Variants in MAEL observed in about 807,000 individuals in gnomAD.
The protein encoded by MAEL is maelstrom spermatogenic transposon silencer.
Under a neutral mutation model 62.0 loss-of-function variants are expected in MAEL, and 46 were observed. The ratio of observed to expected loss-of-function variants is 0.74; its 90% CI spans 0.59 to 0.95. The LOEUF is 0.95. Ranked by LOEUF, MAEL falls within the 40% of genes least tolerant of loss-of-function variation. The pLI, the probability that MAEL is intolerant of heterozygous loss-of-function variation, is 0.00. For synonymous variants in MAEL, 172 were observed against 175.5 expected (o/e 0.98, Z 0.16); for missense variants, 497 against 526.8 (o/e 0.94, Z 0.55).
At position 167,004,362 on chromosome 1, in the gene MAEL, TAAAAC is replaced by T. The variant is rs1231659906; in HGVS notation, c.648+62_648+66del. 10 of 1,479,526 alleles carry T rather than the reference TAAAAC, an allele frequency of 6.8e-6. No individual in the cohort carries two copies. In the Admixed American group the frequency reaches 1.2e-4, roughly 18 times the overall value. The allele number at this position is 1,479,526 out of a possible 1,614,324, so 91.6% of individuals were successfully genotyped here. A position where few individuals can be genotyped will look rare whatever the true frequency, so the allele number is the denominator to read the frequency against. ...TCAATTTATAGTACCAAAAGATCCA[TAAAAC>T]AAAGAATTTTTGCCTGTGTATTTTT... On this transcript the variant is annotated intron_variant, in intron 6 of 11. Transcript: ENST00000367872.
chr1:167,010,529 T>G (rs1038897602), intron 8 of MAEL, among the ~76,000 whole-genome samples: 5 of 152,128 alleles, frequency 3.3e-5, no homozygotes, highest in African/African-American at 1.2e-4. Flanking sequence ...CACTGCAGCC[T>G]GGAACTCCTA....
chr1:166,981,099 A>G (rs1254323295), intron 1 of MAEL, among the ~76,000 whole-genome samples: 1 of 152,224 alleles, frequency 6.6e-6, no homozygotes, highest in African/African-American at 2.4e-5. Flanking sequence ...GAAACTGCTC[A>G]AGCAAGAGAA....
intron 8 of MAEL, among the ~76,000 whole-genome samples, chr1:167,010,746 C>G (rs1375060054): frequency 1.3e-5 from 2 of 152,126 alleles, no homozygotes; most frequent in Non-Finnish European, 2.9e-5. Flanking sequence ...TTATGCCTGG[C>G]TATTTTGTTC....
intron 5 of MAEL, 62 bp downstream of exon 5, chr1:166,994,131 A>T: frequency 7.1e-7 from 1 of 1,399,384 alleles, no homozygotes; most frequent in Non-Finnish European, 9.9e-7. Context: ...GGTTAGACTT[A>T]TTCCTTTTAC....
chr1:166,989,152 C>G, upstream of MAEL: 2 of 730,308 alleles, frequency 2.7e-6, no homozygotes, highest in Middle Eastern at 4.1e-4. Flanking sequence ...CCACCTCACC[C>G]GCAAGGCGGC....
At chr1:166,992,554 G>T in intron 3 of MAEL, 132 bp from the exon 4 acceptor site, 2 of 574,262 alleles carry the variant, frequency 3.5e-6, no homozygotes, top group Non-Finnish European at 2.9e-6. Flanking sequence ...CTCTTTTCCA[G>T]CTCATTTAGG....
chr1:166,992,037 G>A (rs1427962121), intron 3 of MAEL, among the ~76,000 whole-genome samples: 16 of 152,130 alleles, frequency 1.1e-4, no homozygotes, highest in Non-Finnish European at 2.4e-4. Flanking sequence ...GGTGGAGGGG[G>A]CTTATAAAGA....
chr1:167,006,432 C>T (rs1325931523), intron 8 of MAEL, among the ~76,000 whole-genome samples: 1 of 151,552 alleles, frequency 6.6e-6, no homozygotes, highest in Non-Finnish European at 1.5e-5. Context: ...TGAGATTATG[C>T]ATTTTTGGCA....
intron 4 of MAEL, among the ~76,000 whole-genome samples, chr1:166,993,255 T>A (rs1191852148): frequency 2.0e-5 from 3 of 152,190 alleles, no homozygotes; most frequent in African/African-American, 7.2e-5. Context: ...TCTGAACCTA[T>A]TAGCTCATCT....
At chr1:166,984,708 C>A (rs1272784434), upstream of MAEL, among the ~76,000 whole-genome samples, 1 of 152,192 alleles carries the variant, frequency 6.6e-6, no homozygotes, top group Admixed American at 6.5e-5. Context: ...TACAGTACAG[C>A]AACACTAACT....
Position 167,005,270 on chromosome 1 carries a change from C to G in MAEL, c.718C>G (p.Leu240Val). 3.7e-6 allele frequency: 6 copies of G among 1,613,206 alleles called. No individual in the cohort carries two copies. Among genetic ancestry groups the G allele is most frequent in the Non-Finnish European group, 5.1e-6 (6 of 1,179,658 alleles). The change falls in exon 8 of 12, where the codon CTA becomes GTA. Residue 240 changes from leucine (L) to valine (V), a missense_variant. Leu to Val is a conservative substitution (Grantham distance 32, BLOSUM62 1). Transcript: ENST00000367872. Reference sequence around the variant, plus strand: ...ACTAATGGAAGAAATCAGGCAAGATCTACAACTTCTCACTGTAGAGGACCT... The same window carrying G: ...ACTAATGGAAGAAATCAGGCAAGATGTACAACTTCTCACTGTAGAGGACCT... ...MAKASEIRQD[L>V]QLLTVEDLVV...
Position 166,992,828 on chromosome 1 carries a change from T to A in MAEL, c.468T>A (p.Ser156Arg). The change falls in exon 4 of 12, where the codon AGT becomes AGA. Residue 156 changes from serine (S) to arginine (R), a missense_variant. Coordinates refer to ENST00000367872, the MANE Select transcript of MAEL (RefSeq NM_032858.3). ...AAGGTATTATGGCAGATTTCCACAGTTTTATAAATCCTGGTAAGTAGTCAG... is the reference window on the plus strand; with the variant it reads ...AAGGTATTATGGCAGATTTCCACAGATTTATAAATCCTGGTAAGTAGTCAG... The part of the protein sequence containing the change: ...LQEGIMADFH[S>R]FINPGEIPRG... 1 of 1,595,944 alleles carries A rather than the reference T, an allele frequency of 6.3e-7. No homozygotes were observed.
intron 5 of MAEL, among the ~76,000 whole-genome samples, chr1:167,000,663 A>C (rs1664623344): frequency 6.6e-6 from 1 of 152,252 alleles, no homozygotes; most frequent in African/African-American, 2.4e-5. Context: ...ATTCTTCATG[A>C]GAGGAAGAGT....
chr1:167,019,517 T>G (rs1186492721), intron 10 of MAEL, among the ~76,000 whole-genome samples: 1 of 152,070 alleles, frequency 6.6e-6, no homozygotes, highest in African/African-American at 2.4e-5. Context: ...TCAGCAAAAT[T>G]TCAGGTATCT....
At chr1:166,989,862 C>T (rs758333507) in intron 2 of MAEL, 33 bp downstream of exon 2, 2 of 1,542,596 alleles carry the variant, frequency 1.3e-6, no homozygotes, top group Non-Finnish European at 1.8e-6. Context: ...CGCCATCTGC[C>T]TGGCACATAG....
In MAEL at chr1:167,009,676, A is replaced by G. The variant is rs966053452; in HGVS notation, c.845+4279A>G. On this transcript the variant is annotated intron_variant, in intron 8 of 11. Transcript: ENST00000367872. The stretch of plus-strand genomic sequence containing the variant: ...CTTAAAAGGAGTCCAATATATATGT[A>G]TGTTTGATCTTCTTTGCCTTTCATT... 1.1e-4 allele frequency among the ~76,000 whole-genome samples: 17 copies of G among 151,230 alleles called. No homozygotes were observed. The East Asian group carries it at 2.5e-3, about 23-fold the overall frequency.
At chr1:167,015,375 A>G (rs1435649548) in intron 8 of MAEL, among the ~76,000 whole-genome samples, 1 of 152,180 alleles carries the variant, frequency 6.6e-6, no homozygotes, top group Non-Finnish European at 1.5e-5. Flanking sequence ...TCTTCCATTC[A>G]TCCATGCATG....
At chr1:167,000,018 A>G (rs960987830) in intron 5 of MAEL, among the ~76,000 whole-genome samples, 1 of 152,208 alleles carries the variant, frequency 6.6e-6, no homozygotes, top group Non-Finnish European at 1.5e-5. Context: ...CATTAGACCT[A>G]GTCATCCAAG....
chr1:167,004,229 C>G lies in MAEL; in HGVS notation c.573C>G (p.Asn191Lys). The change falls in exon 6 of 12, where the codon AAC becomes AAG. Residue 191 changes from asparagine to lysine, a missense_variant. Coordinates refer to ENST00000367872, the MANE Select transcript of MAEL (RefSeq NM_032858.3). ...TTTCAAATTTTGAACGTGGGCATAA[C>G]CAAGCAACTGTGTTACAAAACCTTT... ...IPISNFERGHNQATVLQNLYR... is the reference protein window; with the variant it reads ...IPISNFERGHKQATVLQNLYR... 6.2e-7 allele frequency: 1 copy of G among 1,609,106 alleles called. No homozygotes were observed. Among genetic ancestry groups the G allele is most frequent in the Non-Finnish European group, 8.5e-7 (1 of 1,177,372 alleles).
Sources: allele counts gnomAD v4.1 joint callset (sites outside exome capture counted in the v4.1 genomes callset), GRCh38; gene constraint gnomAD v4.1.1; transcripts MANE v1.5; gene names NCBI Gene and HGNC (gene_info 2026-07-23, HGNC 2026-07-21).